The following AGBL4 variants were observed in gnomAD, a reference collection of about 807,000 sequenced individuals.
AGBL4 encodes AGBL carboxypeptidase 4, also known as cytosolic carboxypeptidase 6.
Under a neutral mutation model 66.4 loss-of-function variants are expected in AGBL4, and 58 were observed. The ratio of observed to expected loss-of-function variants is 0.87; its 90% CI spans 0.71 to 1.09. The LOEUF is 1.09. AGBL4 is among the 50% of genes least tolerant of loss of function. AGBL4 has a pLI of 0.00. For synonymous variants in AGBL4, 234 were observed against 222.9 expected (o/e 1.05, Z -0.44); for missense variants, 579 against 631.0 (o/e 0.92, Z 0.88).
intron 3 of AGBL4, among the ~76,000 whole-genome samples, chr1:49,383,804 T>TA (rs200226749): frequency 0.077 from 11,135 of 144,928 alleles, 1,214 homozygotes; most frequent in African/African-American, 0.25. Flanking sequence ...TATATATATA[T>TA]TTTTTTTTTT....
chr1:49,056,532 A>G (rs908577403), intron 4 of AGBL4, among the ~76,000 whole-genome samples: 2 of 152,168 alleles, frequency 1.3e-5, no homozygotes, highest in Non-Finnish European at 2.9e-5. Flanking sequence ...AAGGGCAGAA[A>G]TAAGTTTTTG....
chr1:48,922,544 C>T (rs1437397624), intron 5 of AGBL4, among the ~76,000 whole-genome samples: 6 of 152,124 alleles, frequency 3.9e-5, no homozygotes, highest in Non-Finnish European at 7.4e-5. Flanking sequence ...TCTCTCATTG[C>T]CTTATTTATT....
chr1:49,010,987 A>G (rs1167587939), intron 5 of AGBL4, among the ~76,000 whole-genome samples: 1 of 152,228 alleles, frequency 6.6e-6, no homozygotes, highest in African/African-American at 2.4e-5. Flanking sequence ...CTTCCTGTCT[A>G]AAACACCAAA....
rs145430768 is a variant in AGBL4, at chr1:49,233,633, T to G, written c.377+12137A>C. ...AACATATGTGCACAAATAACTGTAATTTAGGCAGAGTAAGCTAAGTGCCAT... is the reference window on the plus strand; with the variant it reads ...AACATATGTGCACAAATAACTGTAAGTTAGGCAGAGTAAGCTAAGTGCCAT... On this transcript the variant is annotated intron_variant, in intron 4 of 13. Coordinates refer to ENST00000371839, the MANE Select transcript of AGBL4 (RefSeq NM_032785.4). 5.7e-3 allele frequency among the ~76,000 whole-genome samples: 871 copies of G among 152,340 alleles called. 12 individuals are homozygous for G. The highest frequency in any genetic ancestry group is 0.02 in the African/African-American group (818 of 41,582).
intron 3 of AGBL4, among the ~76,000 whole-genome samples, chr1:49,478,716 G>T (rs1354013319): frequency 6.6e-6 from 1 of 152,064 alleles, no homozygotes; most frequent in Non-Finnish European, 1.5e-5. Context: ...TGTAACTGTA[G>T]AGTGTAAACC....
intron 4 of AGBL4, among the ~76,000 whole-genome samples, chr1:49,100,849 T>C (rs1317332882): frequency 6.6e-6 from 1 of 152,200 alleles, no homozygotes; most frequent in Admixed American, 6.5e-5. Flanking sequence ...ACATAATTTA[T>C]CTCCTTTCTT....
intron 4 of AGBL4, among the ~76,000 whole-genome samples, chr1:49,179,797 T>C (rs988853199): frequency 3.3e-5 from 5 of 152,236 alleles, no homozygotes; most frequent in African/African-American, 1.2e-4. Flanking sequence ...GAAGCAGTTA[T>C]GAATTCAGGC....
intron 9 of AGBL4, among the ~76,000 whole-genome samples, chr1:48,624,678 T>A (rs1253591891): frequency 6.6e-6 from 1 of 152,134 alleles, no homozygotes; most frequent in Non-Finnish European, 1.5e-5. Flanking sequence ...TGAAGGTAGA[T>A]CCTTTGCACT....
chr1:49,790,763 T>G (rs1477324146), intron 2 of AGBL4, among the ~76,000 whole-genome samples: 1 of 152,142 alleles, frequency 6.6e-6, no homozygotes, highest in Non-Finnish European at 1.5e-5. Flanking sequence ...AAGAAATGTG[T>G]AAGATGTTTT....
intron 5 of AGBL4, among the ~76,000 whole-genome samples, chr1:48,959,019 T>A (rs1222898348): frequency 6.6e-6 from 1 of 152,206 alleles, no homozygotes; most frequent in Non-Finnish European, 1.5e-5. Flanking sequence ...AATCTTAGCC[T>A]TTAGCATCAC....
intron 3 of AGBL4, among the ~76,000 whole-genome samples, chr1:49,691,731 C>T (rs1205989884): frequency 1.3e-5 from 2 of 152,028 alleles, no homozygotes; most frequent in East Asian, 1.9e-4. Flanking sequence ...GGCAGACCCA[C>T]CCTTAATCTG....
At chr1:49,404,035 A>G (rs1173628748) in intron 3 of AGBL4, among the ~76,000 whole-genome samples, 1 of 152,120 alleles carries the variant, frequency 6.6e-6, no homozygotes, top group Non-Finnish European at 1.5e-5. Flanking sequence ...TTTCTTGCAG[A>G]AAGCTTTGCC....
intron 1 of AGBL4, among the ~76,000 whole-genome samples, chr1:49,911,212 C>T (rs543452867): frequency 9.9e-4 from 151 of 151,968 alleles, no homozygotes; most frequent in African/African-American, 3.5e-3. Flanking sequence ...AAATGAGAGT[C>T]CGGATTAAAA....
chr1:48,791,709 G>T (rs1394504933), intron 6 of AGBL4, among the ~76,000 whole-genome samples: 2 of 152,164 alleles, frequency 1.3e-5, no homozygotes, highest in South Asian at 2.1e-4. Context: ...TTTCTCATTT[G>T]TTGGATATGG....
intron 6 of AGBL4, among the ~76,000 whole-genome samples, chr1:48,760,644 C>T (rs542581317): frequency 1.3e-5 from 2 of 152,294 alleles, no homozygotes; most frequent in Non-Finnish European, 2.9e-5. Flanking sequence ...CAATGAATGC[C>T]ATGAACTGAA....
At chr1:48,878,645 G>A (rs754500880) in intron 5 of AGBL4, among the ~76,000 whole-genome samples, 6 of 152,078 alleles carry the variant, frequency 3.9e-5, no homozygotes, top group Non-Finnish European at 8.8e-5. Flanking sequence ...ATCTGACTGT[G>A]AGCTTTTACC....
At chr1:49,950,024 G>GCACACA (rs1557611761) in intron 1 of AGBL4, among the ~76,000 whole-genome samples, 8 of 86,024 alleles carry the variant, frequency 9.3e-5, no homozygotes, top group East Asian at 1.4e-3. Flanking sequence ...ACACATATGT[G>GCACACA]TGTGTGTGTA....
intron 4 of AGBL4, among the ~76,000 whole-genome samples, chr1:49,104,261 G>T (rs978487141): frequency 6.6e-6 from 1 of 152,102 alleles, no homozygotes; most frequent in Non-Finnish European, 1.5e-5. Flanking sequence ...CCTGTACCTG[G>T]ATTATGGCAT....
chr1:49,064,382 C>A (rs1212050959), intron 4 of AGBL4, among the ~76,000 whole-genome samples: 1 of 152,160 alleles, frequency 6.6e-6, no homozygotes, highest in Non-Finnish European at 1.5e-5. Flanking sequence ...ATCAGATAGG[C>A]TCTCCATGGA....
Sources: gnomAD v4.1 joint callset for allele counts (sites outside exome capture counted in the v4.1 genomes callset) on GRCh38, gnomAD v4.1.1 for gene constraint, MANE v1.5 for transcripts, NCBI Gene and HGNC (gene_info 2026-07-23, HGNC 2026-07-21) for gene names.